Variants in RFPL1 observed in about 807,000 individuals in gnomAD.
RFPL1 encodes the protein ret finger protein like 1, also known as ret finger protein-like 1.
RFPL1 carries 6 observed loss-of-function variants against 9.6 expected under a neutral mutation model. That is an observed-to-expected ratio of 0.62 (90% CI 0.34 to 1.23). The LOEUF (loss-of-function observed/expected upper bound fraction) is 1.23. Ranked by LOEUF, RFPL1 falls within the 50% of genes most tolerant of loss-of-function variation. RFPL1 has a pLI of 0.03. For missense variants in RFPL1, 352 were observed against 398.4 expected (o/e 0.88, Z 0.99); for synonymous variants, 145 against 149.4 (o/e 0.97, Z 0.22).
chr22:29,393,443 G>A, the RFPL1 span, among the ~76,000 whole-genome samples: 1 of 152,180 alleles, frequency 6.6e-6, no homozygotes, highest in Non-Finnish European at 1.5e-5. Context: ...AGCTTGCAGA[G>A]GTGGGTGACA....
the RFPL1 span, among the ~76,000 whole-genome samples, chr22:29,418,841 T>C: frequency 2.0e-5 from 3 of 152,126 alleles, no homozygotes; most frequent in African/African-American, 4.8e-5. Flanking sequence ...CTGGCCACAC[T>C]GGGTCCTCTT....
At chr22:29,421,070 C>T in the RFPL1 span, among the ~76,000 whole-genome samples, 16 of 152,254 alleles carry the variant, frequency 1.1e-4, no homozygotes, top group Non-Finnish European at 2.2e-4. Context: ...GGCTCAGTAA[C>T]GTAAACCCAA....
rs748220515 is a variant in RFPL1 at position 29,442,186 on chromosome 22, C to T, written c.*64C>T. 2.5e-5 allele frequency: 31 copies of T among 1,223,598 alleles called. No individual in the cohort carries two copies. In the South Asian group the frequency reaches 3.3e-4, roughly 13 times the overall value. The allele number at this position is 1,223,598 out of a possible 1,614,324, so 75.8% of individuals were successfully genotyped here. A position where few individuals can be genotyped will look rare whatever the true frequency, so the allele number is the denominator to read the frequency against. On this transcript the variant is annotated 3_prime_UTR_variant, in exon 2 of 2. Coordinates refer to ENST00000354373, the Ensembl canonical transcript of RFPL1. ...TTACTTGGGTGGGCAGACTTAGGAA[C>T]GCTCTACTCGGTAAAAGCGTTATAC...
the RFPL1 span, among the ~76,000 whole-genome samples, chr22:29,410,636 T>TATATCTATATATAGATATA: frequency 9.9e-6 from 1 of 100,512 alleles, no homozygotes; most frequent in South Asian, 3.0e-4. Flanking sequence ...GATAGATATA[T>TATATCTATATATAGATATA]TGTAGATATA....
At chr22:29,390,377 G>A in the RFPL1 span, among the ~76,000 whole-genome samples, 1 of 151,704 alleles carries the variant, frequency 6.6e-6, no homozygotes, top group Non-Finnish European at 1.5e-5. Context: ...AGATGTTTAA[G>A]CAGCCTCAAA....
the RFPL1 span, among the ~76,000 whole-genome samples, chr22:29,415,928 T>C: frequency 2.0e-5 from 3 of 152,136 alleles, no homozygotes; most frequent in East Asian, 3.8e-4. Flanking sequence ...CCAGAGAGGA[T>C]GGAAGTGAGA....
the RFPL1 span, among the ~76,000 whole-genome samples, chr22:29,395,833 GA>G: frequency 2.0e-5 from 3 of 152,018 alleles, no homozygotes; most frequent in African/African-American, 7.2e-5. Context: ...ATTAGCTGGG[GA>G]TGGTGGTGAG....
chr22:29,405,236 G>C, the RFPL1 span, among the ~76,000 whole-genome samples: 2 of 152,300 alleles, frequency 1.3e-5, no homozygotes, highest in African/African-American at 4.8e-5. Flanking sequence ...TGTCGGAGCA[G>C]GGAAAGCAGA....
At chr22:29,394,213 A>C in the RFPL1 span, among the ~76,000 whole-genome samples, 1 of 152,140 alleles carries the variant, frequency 6.6e-6, no homozygotes, top group Middle Eastern at 3.4e-3. Flanking sequence ...TTTGAGACAG[A>C]GTTTCGCTTT....
At chr22:29,413,302 C>G in the RFPL1 span, among the ~76,000 whole-genome samples, 1 of 151,910 alleles carries the variant, frequency 6.6e-6, no homozygotes, top group African/African-American at 2.4e-5. Flanking sequence ...TTCTTTCCAC[C>G]CTTTGATGAG....
At chr22:29,438,575 T>C (rs1490354330), upstream of RFPL1, 21 of 1,401,216 alleles carry the variant, frequency 1.5e-5, no homozygotes, top group Non-Finnish European at 1.9e-5. Flanking sequence ...GTTCCTCACA[T>C]GGGTGCTGCC....
At chr22:29,391,140 T>C in the RFPL1 span, among the ~76,000 whole-genome samples, 19 of 151,646 alleles carry the variant, frequency 1.3e-4, no homozygotes, top group Non-Finnish European at 2.2e-4. Context: ...AGACTCTGTC[T>C]CAAAAAAAAT....
rs6006149 is a variant in RFPL1 at position 29,439,563 on chromosome 22, G to C, written c.373+399G>C. ...AGGAGAATGGCGTTAACCTGGGGGG[G>C]GCGGAGCTTGCAGTGAGCCAAGATT... is the stretch of plus-strand genomic sequence containing the variant. On this transcript the variant is annotated intron_variant, in intron 1 of 1. Transcript: ENST00000354373. The C allele has an allele frequency of 2.9e-3, 539 of 188,222 alleles. 2 individuals are homozygous for C. Among genetic ancestry groups the C allele is most frequent in the Admixed American group, 3.6e-3 (67 of 18,716 alleles). 11.7% of individuals were successfully genotyped at this position (188,222 alleles called of 1,614,324 possible).
upstream of RFPL1, chr22:29,437,541 T>G (rs759668581): frequency 7.6e-5 from 104 of 1,365,122 alleles, no homozygotes; most frequent in Non-Finnish European, 9.9e-5. Flanking sequence ...ACTGGAGATA[T>G]ATCACCAGTA....
the RFPL1 span, among the ~76,000 whole-genome samples, chr22:29,392,824 G>C: frequency 6.6e-6 from 1 of 152,178 alleles, no homozygotes; most frequent in African/African-American, 2.4e-5. Context: ...TTTCATCTTG[G>C]GGGGAACTTC....
At chr22:29,399,555 C>T in the RFPL1 span, among the ~76,000 whole-genome samples, 3 of 152,202 alleles carry the variant, frequency 2.0e-5, no homozygotes, top group African/African-American at 7.2e-5. Flanking sequence ...TGAAACTGAA[C>T]TTTATCGGGT....
chr22:29,439,291 T>C (rs1191459475), intron 1 of RFPL1, 127 bp downstream of exon 1: 1 of 1,317,764 alleles, frequency 7.6e-7, no homozygotes, highest in African/African-American at 1.5e-5. Flanking sequence ...TGCTTCTTCA[T>C]CATCAGATTC....
the RFPL1 span, among the ~76,000 whole-genome samples, chr22:29,389,059 T>C: frequency 1.3e-5 from 2 of 152,132 alleles, no homozygotes; most frequent in African/African-American, 2.4e-5. Flanking sequence ...TATTATTTAC[T>C]TATTTATTTT....
chr22:29,436,436 C>CA (rs758149858), upstream of RFPL1: 1,722 of 134,234 alleles, frequency 0.013, 38 homozygotes, highest in Admixed American at 0.06. Context: ...ACTAAAAATA[C>CA]AAAAAAAAAA....
Sources: allele counts gnomAD v4.1 joint callset (sites outside exome capture counted in the v4.1 genomes callset), GRCh38; gene constraint gnomAD v4.1.1; transcripts MANE v1.5; gene names NCBI Gene and HGNC (gene_info 2026-07-23, HGNC 2026-07-21).